The following ZNF593OS variants were observed in gnomAD, a reference collection of about 807,000 sequenced individuals.
ZNF593OS encodes transmembrane protein ZNF593OS.
chr1:26,171,627 C>A lies in ZNF593OS; in HGVS notation c.35G>T (p.Arg12Leu). The A allele has an allele frequency of 2.5e-6, 1 of 398,606 alleles. No homozygotes were observed. The highest frequency in any genetic ancestry group is 4.4e-6 in the Non-Finnish European group (1 of 226,084). The allele number at this position is 398,606 out of a possible 1,614,324, so 24.7% of individuals were successfully genotyped here. Residue 12 changes from arginine (R) to leucine (L), a missense_variant, in exon 1 of 2, where the codon CGG (arginine) becomes CTG (leucine). By Grantham distance (102) the Arg-to-Leu change is moderately radical. Coordinates refer to ENST00000648649, the Ensembl canonical transcript of ZNF593OS. This position sits in a 1 kb window ranked among gnomAD's most constrained non-coding sequence, Gnocchi z 5.5. ...ATCAGGGGTACTTACCTGTAACACC[C>A]GGAAGTAACCAGGGGTCAAGCGTCG...
rs1166126625 is a variant in ZNF593OS, at chr1:26,171,674, T to G, written c.-13A>C. ...GTCGAAATCGCATGGTGGGCGGCAC[T>G]GGTCTCCCTGGCGGCCTGTAGGGTG... On this transcript the variant is annotated 5_prime_UTR_variant, in exon 1 of 2. Coordinates refer to ENST00000648649, the Ensembl canonical transcript of ZNF593OS. The surrounding 1 kb of genome is among the most constrained non-coding windows in gnomAD (Gnocchi z 5.5). The G allele has an allele frequency of 7.5e-6, 3 of 398,476 alleles. No homozygotes were observed. Among genetic ancestry groups the G allele is most frequent in the Non-Finnish European group, 1.3e-5 (3 of 226,076 alleles). The allele number at this position is 398,476 out of a possible 1,614,324, so 24.7% of individuals were successfully genotyped here. A position where few individuals can be genotyped will look rare whatever the true frequency, so the allele number is the denominator to read the frequency against.
rs12565756 is a variant in ZNF593OS at position 26,171,705 on chromosome 1, G to T, written c.-44C>A. The T allele has an allele frequency of 0.34, 134,278 of 398,216 alleles. 25,374 individuals are homozygous for T. Among genetic ancestry groups the T allele is most frequent in the East Asian group, 0.68 (18,981 of 28,048 alleles). The allele number at this position is 398,216 out of a possible 1,614,324, so 24.7% of individuals were successfully genotyped here. ...CCCTGGCGGCCTGTAGGGTGGGAGC[G>T]GACGTGAAGACCAGTGGTCTTCATG... is the stretch of plus-strand genomic sequence containing the variant. On this transcript the variant is annotated 5_prime_UTR_variant, in exon 1 of 2. Coordinates refer to ENST00000648649, the Ensembl canonical transcript of ZNF593OS. This position sits in a 1 kb window ranked among gnomAD's most constrained non-coding sequence, Gnocchi z 5.5.
rs780105407 is a variant in ZNF593OS, at chr1:26,170,747, G to A, written c.*442C>T. On this transcript the variant is annotated 3_prime_UTR_variant, in exon 2 of 2. Transcript: ENST00000648649. The stretch of plus-strand genomic sequence containing the variant: ...CCTGAAGATGCAGGGCAGAGGAATT[G>A]CCCATGGACAGTGACGCAAGGACTA... 10 of 1,590,228 alleles carry A rather than the reference G, an allele frequency of 6.3e-6. No homozygotes were observed. In the Admixed American group the frequency reaches 1.7e-4, roughly 27 times the overall value.
chr1:26,170,481 G>A, downstream of ZNF593OS: 1 of 1,614,164 alleles, frequency 6.2e-7, no homozygotes, highest in Non-Finnish European at 8.5e-7. Context: ...ACAAGAAAAG[G>A]TATGAAGGAG....
At chr1:26,170,885 C>A in exon 2 of ZNF593OS, 1 of 834,584 alleles carries the variant, frequency 1.2e-6, no homozygotes, top group Non-Finnish European at 1.8e-6. Flanking sequence ...TTGCCTCCAA[C>A]TCTAACTTCC....
exon 2 of ZNF593OS, chr1:26,170,504 TGATG>T: frequency 6.2e-7 from 1 of 1,614,070 alleles, no homozygotes; most frequent in Non-Finnish European, 8.5e-7. Context: ...AGGAGAGGAT[TGATG>T]GATGGGTGCT....
At chr1:26,169,924 C>T, downstream of ZNF593OS, 3 of 1,473,292 alleles carry the variant, frequency 2.0e-6, no homozygotes, top group Non-Finnish European at 2.7e-6. Context: ...CCCGGAAGTG[C>T]TCACACGTGT....
downstream of ZNF593OS, chr1:26,170,055 G>A (rs779637490): frequency 6.4e-7 from 1 of 1,573,616 alleles, no homozygotes; most frequent in East Asian, 2.3e-5. Context: ...CGAAGCGGCG[G>A]CGGCCGGACT....
chr1:26,169,620 A>T (rs879839323), downstream of ZNF593OS: 69 of 294,086 alleles, frequency 2.3e-4, no homozygotes, highest in Non-Finnish European at 3.8e-4. Context: ...GGAAACAGGA[A>T]GGGATGACAG....
chr1:26,170,788 T>G, exon 2 of ZNF593OS: 2 of 1,537,814 alleles, frequency 1.3e-6, no homozygotes, highest in Non-Finnish European at 1.7e-6. Context: ...GGAGGGAGCG[T>G]GCCAACCCCT....
At chr1:26,170,439 C>T, downstream of ZNF593OS, 1 of 1,614,114 alleles carries the variant, frequency 6.2e-7, no homozygotes. Flanking sequence ...TCGATTCCAC[C>T]AACCTGAAGA....
downstream of ZNF593OS, chr1:26,169,879 C>A: frequency 7.1e-6 from 9 of 1,266,514 alleles, 1 homozygote; most frequent in South Asian, 1.5e-4. Flanking sequence ...CCGAGCCTGC[C>A]TAGCCCCCCG....
At chr1:26,169,766 G>T (rs1273328921), downstream of ZNF593OS, 16 of 559,488 alleles carry the variant, frequency 2.9e-5, no homozygotes, top group East Asian at 5.0e-4. Context: ...CCTTCAGTGG[G>T]CACACTTCTG....
chr1:26,170,705 A>G (rs755019662), exon 2 of ZNF593OS: 2 of 1,606,098 alleles, frequency 1.2e-6, no homozygotes, highest in Non-Finnish European at 8.5e-7. Context: ...TGAGATGGAT[A>G]CCTCTACCTG....
In ZNF593OS at chr1:26,171,811, C is replaced by T. The variant is rs1213106671; in HGVS notation, c.-150G>A. The stretch of plus-strand genomic sequence containing the variant: ...ACCCAAGCTCTCAGAGGATGCTCAC[C>T]CGCGCCTGCCTGCCCAGGTCTGGCA... On this transcript the variant is annotated 5_prime_UTR_variant, in exon 1 of 2. Coordinates refer to ENST00000648649, the Ensembl canonical transcript of ZNF593OS. This position sits in a 1 kb window ranked among gnomAD's most constrained non-coding sequence, Gnocchi z 5.5. 1 of 396,492 alleles carries T rather than the reference C, an allele frequency of 2.5e-6. No individual in the cohort carries two copies. Among genetic ancestry groups the T allele is most frequent in the Non-Finnish European group, 4.4e-6 (1 of 225,298 alleles). 24.6% of individuals were successfully genotyped at this position (396,492 alleles called of 1,614,324 possible).
Position 26,171,107 on chromosome 1 carries a change from C to T in ZNF593OS, c.*82G>A, listed in dbSNP as rs949032227. The T allele has an allele frequency of 2.4e-6, 1 of 409,382 alleles. No individual in the cohort carries two copies. Among genetic ancestry groups the T allele is most frequent in the Non-Finnish European group, 4.3e-6 (1 of 232,022 alleles). The allele number at this position is 409,382 out of a possible 1,614,324, so 25.4% of individuals were successfully genotyped here. ...GTCCTGCTTCTGACAGAGACTGATCCCCAGAAAAGAAGGCTTCTGAGATTG... is the reference window on the plus strand; with the variant it reads ...GTCCTGCTTCTGACAGAGACTGATCTCCAGAAAAGAAGGCTTCTGAGATTG... On this transcript the variant is annotated 3_prime_UTR_variant, in exon 2 of 2. Transcript: ENST00000648649. This position sits in a 1 kb window ranked among gnomAD's most constrained non-coding sequence, Gnocchi z 5.5.
exon 2 of ZNF593OS, chr1:26,170,844 G>A (rs2088489124): frequency 8.1e-7 from 1 of 1,234,048 alleles, no homozygotes; most frequent in African/African-American, 1.5e-5. Flanking sequence ...TTGGTGCCCT[G>A]CCCCAAATAA....
At chr1:26,170,623 G>T in exon 2 of ZNF593OS, 1 of 1,613,522 alleles carries the variant, frequency 6.2e-7, no homozygotes, top group South Asian at 1.1e-5. Context: ...AGGCGGAGAG[G>T]GCAGCGGGTA....
exon 2 of ZNF593OS, chr1:26,170,890 A>C: frequency 1.3e-6 from 1 of 797,652 alleles, no homozygotes. Context: ...TCCAACTCTA[A>C]CTTCCAGGCC....
Sources: allele counts gnomAD v4.1 joint callset, GRCh38; gene constraint gnomAD v4.1.1; non-coding constraint Gnocchi (gnomAD v3.1); transcripts MANE v1.5; gene names NCBI Gene and HGNC (gene_info 2026-07-23, HGNC 2026-07-21).